Variants in SLC25A13 observed in about 807,000 individuals in gnomAD.
SLC25A13 encodes the protein solute carrier family 25 member 13.
SLC25A13 carries 70 observed loss-of-function variants against 85.5 expected under a neutral mutation model. The ratio of observed to expected loss-of-function variants is 0.82; its 90% CI spans 0.68 to 1.00. The LOEUF (loss-of-function observed/expected upper bound fraction) is 1.00. SLC25A13 is among the 50% of genes least tolerant of loss of function. The probability of loss-of-function intolerance (pLI) is 0.00; values close to 1 mark genes in which losing one functional copy is unlikely to be tolerated. For missense variants in SLC25A13, 765 were observed against 819.8 expected (o/e 0.93, Z 0.82); for synonymous variants, 259 against 288.7 (o/e 0.90, Z 1.04).
At chr7:96,129,907 T>C (rs1234923240) in intron 15 of SLC25A13, among the ~76,000 whole-genome samples, 1 of 152,204 alleles carries the variant, frequency 6.6e-6, no homozygotes, top group African/African-American at 2.4e-5. Context: ...GAAAACTATC[T>C]ATACAAAGTG....
At chr7:96,277,760 A>G (rs2116940862) in intron 2 of SLC25A13, among the ~76,000 whole-genome samples, 1 of 151,848 alleles carries the variant, frequency 6.6e-6, no homozygotes, top group South Asian at 2.1e-4. Flanking sequence ...TGGAAAGACA[A>G]ACTATGTCTT....
intron 1 of SLC25A13, among the ~76,000 whole-genome samples, chr7:96,317,342 G>C (rs1284930799): frequency 6.6e-6 from 1 of 152,010 alleles, no homozygotes; most frequent in East Asian, 1.9e-4. Context: ...AAGGATGATA[G>C]TAACTAACTC....
chr7:96,208,306 C>A (rs1795537087), intron 5 of SLC25A13, among the ~76,000 whole-genome samples: 1 of 152,102 alleles, frequency 6.6e-6, no homozygotes, highest in Non-Finnish European at 1.5e-5. Flanking sequence ...CTACATAAAT[C>A]TGTGGAAATC....
rs772510276 is a variant in SLC25A13, at chr7:96,121,132, AG to A, written c.*58del. The A allele has an allele frequency of 1.3e-6, 2 of 1,558,444 alleles. No individual in the cohort carries two copies. Among genetic ancestry groups the A allele is most frequent in the African/African-American group, 2.7e-5 (2 of 73,708 alleles). ...GATGAAGCATTGCTTCATTCCCAGG[AG>A]GGATGTTCTTTACTGCAGTACCCAC... is the stretch of plus-strand genomic sequence containing the variant. On this transcript the variant is annotated 3_prime_UTR_variant, in exon 18 of 18. Coordinates refer to ENST00000265631, the MANE Select transcript of SLC25A13 (RefSeq NM_014251.3).
chr7:96,260,985 T>A (rs753742677), intron 3 of SLC25A13, among the ~76,000 whole-genome samples: 1 of 152,156 alleles, frequency 6.6e-6, no homozygotes, highest in Admixed American at 6.6e-5. Context: ...GGATACATTT[T>A]ATACTTCTTT....
chr7:96,146,704 G>A lies in SLC25A13; in HGVS notation c.1312-8C>T. ...CACCTGGGAGCCTCCAGCCTAAAAAGAACAAAAAAGATTTAGGATCAAAGC... is the reference window on the plus strand; with the variant it reads ...CACCTGGGAGCCTCCAGCCTAAAAAAAACAAAAAAGATTTAGGATCAAAGC... On this transcript the variant is annotated splice_polypyrimidine_tract_variant and splice_region_variant and intron_variant, in intron 13 of 17. Transcript: ENST00000265631. The A allele has an allele frequency of 6.2e-7, 1 of 1,613,862 alleles. No individual in the cohort carries two copies. The highest frequency in any genetic ancestry group is 2.2e-5 in the East Asian group (1 of 44,864).
At chr7:96,189,783 T>C in intron 7 of SLC25A13, 109 bp from the exon 8 acceptor site, 1 of 922,360 alleles carries the variant, frequency 1.1e-6, no homozygotes, top group Non-Finnish European at 1.8e-6. Flanking sequence ...TTTATTATTA[T>C]CATCAGTTGT....
chr7:96,217,694 A>C (rs1417141936), intron 4 of SLC25A13, among the ~76,000 whole-genome samples: 1 of 152,220 alleles, frequency 6.6e-6, no homozygotes, highest in Non-Finnish European at 1.5e-5. Context: ...CATATACACA[A>C]AAAGTAGATT....
rs539070661 is a variant in SLC25A13, at chr7:96,154,439, G to T, written c.1312-7743C>A. On this transcript the variant is annotated intron_variant, in intron 13 of 17. Coordinates refer to ENST00000265631, the MANE Select transcript of SLC25A13 (RefSeq NM_014251.3). ...AGTCTCCCAAGTAGCTGGGACTACA[G>T]GTGCGTGCCACGACATCTGGCTAAT... is the stretch of plus-strand genomic sequence containing the variant. Among the ~76,000 whole-genome samples the T allele has an allele frequency of 3.9e-5, 6 of 152,078 alleles. No individual in the cohort carries two copies. In the East Asian group the frequency reaches 1.2e-3, roughly 30 times the overall value.
chr7:96,216,908 T>TAA (rs1180765635), intron 4 of SLC25A13, among the ~76,000 whole-genome samples: 2 of 150,526 alleles, frequency 1.3e-5, no homozygotes, highest in African/African-American at 4.9e-5. Flanking sequence ...TAAAAAAGTT[T>TAA]AAAAAAAAGA....
chr7:96,211,622 G>A (rs1319339092), intron 4 of SLC25A13, among the ~76,000 whole-genome samples: 1 of 152,160 alleles, frequency 6.6e-6, no homozygotes, highest in African/African-American at 2.4e-5. Context: ...CTACCACTAT[G>A]GCTGGCACAG....
Position 96,233,968 on chromosome 7 carries a change from A to G in SLC25A13, c.328+834T>C, listed in dbSNP as rs9986890. 7.2e-3 allele frequency among the ~76,000 whole-genome samples: 1,103 copies of G among 152,314 alleles called. 12 individuals are homozygous for G. Among genetic ancestry groups the G allele is most frequent in the African/African-American group, 0.025 (1,051 of 41,560 alleles). ...CACATTCTCCCTAATCTTTAAAGCC[A>G]TCTCTCATGAAAGCACAATCCACAT... On this transcript the variant is annotated intron_variant, in intron 4 of 17. Transcript: ENST00000265631.
At chr7:96,174,099 C>T (rs150885128) in intron 11 of SLC25A13, among the ~76,000 whole-genome samples, 9 of 152,304 alleles carry the variant, frequency 5.9e-5, no homozygotes, top group Non-Finnish European at 1.2e-4. Context: ...AGAGAATGCA[C>T]ATAGCCCATG....
intron 12 of SLC25A13, among the ~76,000 whole-genome samples, 153 bp from the exon 13 acceptor site, chr7:96,170,278 G>C (rs1793944519): frequency 6.6e-6 from 1 of 152,106 alleles, no homozygotes; most frequent in African/African-American, 2.4e-5. Context: ...AAAATAGTTT[G>C]AGAAGTACTC....
chr7:96,186,777 T>C (rs1179012255), intron 9 of SLC25A13, among the ~76,000 whole-genome samples: 1 of 152,222 alleles, frequency 6.6e-6, no homozygotes, highest in Admixed American at 6.5e-5. Context: ...CCTATTTAAA[T>C]GTTTGACCTA....
intron 5 of SLC25A13, among the ~76,000 whole-genome samples, chr7:96,206,051 A>G (rs1174182922): frequency 1.3e-5 from 2 of 152,250 alleles, no homozygotes; most frequent in Middle Eastern, 3.4e-3. Flanking sequence ...AACCAACCTG[A>G]GCTATCTTCT....
At chr7:96,318,030 A>G (rs1800195539) in intron 1 of SLC25A13, among the ~76,000 whole-genome samples, 1 of 152,170 alleles carries the variant, frequency 6.6e-6, no homozygotes, top group Admixed American at 6.5e-5. Context: ...CACAATACAC[A>G]TAAATGAATC....
intron 6 of SLC25A13, 145 bp downstream of exon 6, chr7:96,192,890 CTT>C (rs1221105847): frequency 1.8e-5 from 16 of 898,340 alleles, no homozygotes; most frequent in Middle Eastern, 3.0e-4. Context: ...AAAACACACT[CTT>C]TGTTTGAGTT....
chr7:96,297,233 T>C lies in SLC25A13; in HGVS notation c.16-282A>G, dbSNP rs114408252. On this transcript the variant is annotated intron_variant, in intron 1 of 17. Transcript: ENST00000265631. ...TTTCTTAAAAAGAAAAGGTGAAACA[T>C]TGCAAACACCTGTCATTTTTTACTT... is the stretch of plus-strand genomic sequence containing the variant. Among the ~76,000 whole-genome samples, 3,091 of 152,332 alleles carry C rather than the reference T, an allele frequency of 0.02. 67 individuals are homozygous for C. Among genetic ancestry groups the C allele is most frequent in the African/African-American group, 0.054 (2,226 of 41,582 alleles).
Sources: allele counts gnomAD v4.1 joint callset (sites outside exome capture counted in the v4.1 genomes callset), GRCh38; gene constraint gnomAD v4.1.1; transcripts MANE v1.5; gene names NCBI Gene and HGNC (gene_info 2026-07-23, HGNC 2026-07-21).